ABCA2: variants seen among roughly 807,000 people sequenced by gnomAD.
The protein encoded by ABCA2 is ATP binding cassette subfamily A member 2.
A neutral mutation model predicts 262.8 loss-of-function variants in ABCA2; 84 were observed. The observed-to-expected ratio is 0.32, with a 90% CI of 0.27 to 0.38. The LOEUF is 0.38. Among genes scored for constraint, ABCA2 ranks in the 10% least tolerant of loss-of-function variants. The probability of loss-of-function intolerance (pLI) is 1.00; values close to 1 mark genes in which losing one functional copy is unlikely to be tolerated. For missense variants in ABCA2, 2,662 were observed against 3,405.9 expected (o/e 0.78, Z 5.44); for synonymous variants, 1,696 against 1,502.9 (o/e 1.13, Z -2.97).
intron 1 of ABCA2, 24 bp from the exon 2 acceptor site, chr9:137,024,260 G>A (rs1564232774): frequency 6.3e-7 from 1 of 1,587,038 alleles, no homozygotes; most frequent in Non-Finnish European, 8.6e-7. Flanking sequence ...GCCCAGTGAG[G>A]GATAGGACAG....
At chr9:137,008,189 C>T in intron 48 of ABCA2, 1 of 802,272 alleles carries the variant, frequency 1.2e-6, no homozygotes, top group Admixed American at 2.1e-5. Context: ...GTCCCCTCTG[C>T]CCCACCCTTG....
At chr9:137,024,271 A>T (rs769086874) in intron 1 of ABCA2, 35 bp from the exon 2 acceptor site, 12 of 1,552,274 alleles carry the variant, frequency 7.7e-6, no homozygotes, top group Non-Finnish European at 1.1e-5. Flanking sequence ...GATAGGACAG[A>T]CCTGTGCTCG....
Position 137,021,748 on chromosome 9 carries a change from G to A in ABCA2, c.679-138C>T, listed in dbSNP as rs956938199. 2 of 1,216,792 alleles carry A rather than the reference G, an allele frequency of 1.6e-6. No homozygotes were observed. The highest frequency in any genetic ancestry group is 2.3e-6 in the Non-Finnish European group (2 of 863,528). 75.4% of individuals were successfully genotyped at this position (1,216,792 alleles called of 1,614,324 possible). On this transcript the variant is annotated intron_variant, in intron 7 of 48. Coordinates refer to ENST00000341511, the MANE Select transcript of ABCA2 (RefSeq NM_001606.5). The surrounding 1 kb of genome is among the most constrained non-coding windows in gnomAD (Gnocchi z 6.0). ...CCCACGACATGCCTCTACCCCTCAT[G>A]CCTGCCATAGACCCCTGGGACCCTC...
At position 137,008,876 on chromosome 9, in the gene ABCA2, G is replaced by A. The variant is rs561668236; in HGVS notation, c.6931-8C>T. ...CTTTGTGTGGTGCCGCTCCTGCAGG[G>A]GGGGAGGTCAGAGGCCTGGCAGCGC... is the stretch of plus-strand genomic sequence containing the variant. On this transcript the variant is annotated splice_polypyrimidine_tract_variant and splice_region_variant and intron_variant, in intron 46 of 48. Coordinates refer to ENST00000341511, the MANE Select transcript of ABCA2 (RefSeq NM_001606.5). The A allele has an allele frequency of 1.2e-6, 2 of 1,603,826 alleles. No homozygotes were observed. Among genetic ancestry groups the A allele is most frequent in the South Asian group, 1.1e-5 (1 of 90,786 alleles).
Position 137,009,568 on chromosome 9 carries a change from C to G in ABCA2, c.6707G>C (p.Gly2236Ala), listed in dbSNP as rs1261863719. 1 of 1,612,918 alleles carries G rather than the reference C, an allele frequency of 6.2e-7. No individual in the cohort carries two copies. The highest frequency in any genetic ancestry group is 2.2e-5 in the East Asian group (1 of 44,878). Residue 2236 changes from glycine to alanine, a missense_variant, in exon 44 of 49, where the codon GGG becomes GCG. Gly to Ala is a moderately conservative substitution (Grantham distance 60). Transcript: ENST00000341511. ...WNLILDLIKT[G>A]RSVVLTSHSM... ...GTGTGATGTCAGCACCACTGAACGC[C>G]CTGTCTTGATGAGGTCAAGGATGAG...
In ABCA2 at chr9:137,011,814, CG is replaced by C; in HGVS notation, c.5535+29del. The C allele has an allele frequency of 3.9e-6, 6 of 1,556,938 alleles. No homozygotes were observed. The highest frequency in any genetic ancestry group is 5.2e-6 in the Non-Finnish European group (6 of 1,151,224). On this transcript the variant is annotated intron_variant, in intron 35 of 48. Transcript: ENST00000341511. This position sits in a 1 kb window ranked among gnomAD's most constrained non-coding sequence, Gnocchi z 8.8. ...GGCGGGGATGGGGGATGAGAAGGGCCGGGGCACCCCATGGCCACGCCGGGCG... is the reference window on the plus strand; with the variant it reads ...GGCGGGGATGGGGGATGAGAAGGGCCGGGCACCCCATGGCCACGCCGGGCG...
At position 137,022,746 on chromosome 9, in the gene ABCA2, C is replaced by G; in HGVS notation, c.395G>C (p.Ser132Thr). Residue 132 changes from serine to threonine, a missense_variant, in exon 5 of 49, where the codon AGT (serine) becomes ACT (threonine). Ser to Thr is a moderately conservative substitution (Grantham distance 58, BLOSUM62 1). This residue lies in a region of ABCA2 where 403 missense variants were observed against 375.9 expected (regional missense o/e 1.07). Transcript: ENST00000341511. ...EALRQHLEALSAGPGTSGSHL... is the reference protein window; with the variant it reads ...EALRQHLEALTAGPGTSGSHL... ...GCTCCCCGAGGTGCCCGGGCCCGCA[C>G]TGAGGGCCTCCAGATGCTGGCGTAG... 6.2e-7 allele frequency: 1 copy of G among 1,605,438 alleles called. No individual in the cohort carries two copies. Among genetic ancestry groups the G allele is most frequent in the Middle Eastern group, 1.8e-4 (1 of 5,624 alleles).
At chr9:137,022,316 G>A (rs1430102542) in intron 6 of ABCA2, 35 bp downstream of exon 6, 4 of 1,561,824 alleles carry the variant, frequency 2.6e-6, no homozygotes, top group Non-Finnish European at 3.5e-6. Context: ...GGGGCAGAAG[G>A]GAGTGGCCAG....
Position 137,010,661 on chromosome 9 carries a change from C to T in ABCA2, c.6133G>A (p.Asp2045Asn). Residue 2045 changes from aspartate (D) to asparagine (N), a missense_variant, in exon 40 of 49, where the codon GAC (aspartate) becomes AAC (asparagine). Transcript: ENST00000341511. Reference protein sequence around the residue: ...ASERQRVLRGDADNDMVKIEN... With the variant: ...ASERQRVLRGNADNDMVKIEN... The stretch of plus-strand genomic sequence containing the variant: ...ATCTTGACCATGTCATTGTCGGCGT[C>T]TCCCCGGAGCACTCGCTGCCGCTCA... 6.2e-7 allele frequency: 1 copy of T among 1,606,130 alleles called. No individual in the cohort carries two copies. The highest frequency in any genetic ancestry group is 8.5e-7 in the Non-Finnish European group (1 of 1,176,402).
In ABCA2 at chr9:137,016,126, G is replaced by T; in HGVS notation, c.3153C>A (p.Ile1051=). ...TCTCCGTGCGGATGTCGTGCCCGTAGATGGTGGCGGAACCCGACGTTGGAG... is the reference window on the plus strand; with the variant it reads ...TCTCCGTGCGGATGTCGTGCCCGTATATGGTGGCGGAACCCGACGTTGGAG... ...LFPPTSGSAT[I]YGHDIRTEMD... is the part of the protein sequence containing the mutation. The change falls in exon 22 of 49, where the codon ATC becomes ATA. Residue 1051 remains isoleucine (I), a synonymous_variant. Transcript: ENST00000341511. 6.2e-7 allele frequency: 1 copy of T among 1,612,874 alleles called. No individual in the cohort carries two copies. Among genetic ancestry groups the T allele is most frequent in the African/African-American group, 1.3e-5 (1 of 75,068 alleles).
At chr9:137,027,414 C>A (rs906563969) in intron 1 of ABCA2, 2 of 152,796 alleles carry the variant, frequency 1.3e-5, no homozygotes, top group African/African-American at 4.8e-5. Flanking sequence ...GTGGGGGGAC[C>A]AGGAGGCAAC....
Position 137,016,579 on chromosome 9 carries a change from C to A in ABCA2, c.2918G>T (p.Arg973Leu), listed in dbSNP as rs369865925. The A allele has an allele frequency of 6.2e-7, 1 of 1,612,210 alleles. No individual in the cohort carries two copies. The highest frequency in any genetic ancestry group is 1.7e-5 in the Admixed American group (1 of 60,014). ...EDQACAMESR[R>L]FEETRGMEEE... is the part of the protein sequence containing the mutation. ...CATTCTGATGCCAGCCTCACCAAAG[C>A]GCCGGCTCTCCATGGCACAGGCCTG... is the stretch of plus-strand genomic sequence containing the variant. Residue 973 changes from arginine to leucine, a missense_variant, in exon 20 of 49, where the codon CGC becomes CTC. Transcript: ENST00000341511.
chr9:137,014,869 C>A, intron 25 of ABCA2, 44 bp downstream of exon 25: 1 of 1,575,984 alleles, frequency 6.3e-7, no homozygotes, highest in East Asian at 2.3e-5. Flanking sequence ...AGTGCGCCCA[C>A]CTCCACCACC....
Position 137,009,090 on chromosome 9 carries a change from G to A in ABCA2, c.6828-37C>T, listed in dbSNP as rs377428674. ...GGCCGGTGGCCCGGAGCCCTGCGCC[G>A]CCCAGCCAGAGCCCCAGCCCCCCAG... On this transcript the variant is annotated intron_variant, in intron 45 of 48. Coordinates refer to ENST00000341511, the MANE Select transcript of ABCA2 (RefSeq NM_001606.5). 9.6e-4 allele frequency: 1,519 copies of A among 1,580,252 alleles called. 5 individuals are homozygous for A. Among genetic ancestry groups the A allele is most frequent in the Non-Finnish European group, 1.1e-3 (1,264 of 1,165,770 alleles).
chr9:137,011,229 C>T lies in ABCA2; in HGVS notation c.5880G>A (p.Glu1960=). The T allele has an allele frequency of 6.2e-7, 1 of 1,612,620 alleles. No homozygotes were observed. Among genetic ancestry groups the T allele is most frequent in the Non-Finnish European group, 8.5e-7 (1 of 1,179,896 alleles). The part of the protein sequence containing the change: ...PNYNLGHGLM[E]MAYNEYINEY... ...CGTTGATGTACTCGTTGTAGGCCATCTCCATGAGCCCGTGGCCCAGGTTGT... is the reference window on the plus strand; with the variant it reads ...CGTTGATGTACTCGTTGTAGGCCATTTCCATGAGCCCGTGGCCCAGGTTGT... Residue 1960 remains glutamate, a synonymous_variant, in exon 38 of 49, where the codon GAG becomes GAA. Transcript: ENST00000341511. The surrounding 1 kb of genome is among the most constrained non-coding windows in gnomAD (Gnocchi z 8.8).
At position 137,017,391 on chromosome 9, in the gene ABCA2, C is replaced by T. The variant is rs763326513; in HGVS notation, c.2403-45G>A. The T allele has an allele frequency of 7.5e-6, 12 of 1,608,276 alleles. No homozygotes were observed. In the Admixed American group the frequency reaches 8.4e-5, roughly 11 times the overall value. ...GCGCACCGTCATCCACCCGCACGCC[C>T]GGCCTCCTGGGCAGGCCCGTGCCAG... On this transcript the variant is annotated intron_variant, in intron 17 of 48. Transcript: ENST00000341511.
chr9:137,021,236 T>G lies in ABCA2; in HGVS notation c.897+156A>C, dbSNP rs1831443190. On this transcript the variant is annotated intron_variant, in intron 8 of 48. Coordinates refer to ENST00000341511, the MANE Select transcript of ABCA2 (RefSeq NM_001606.5). The surrounding 1 kb of genome is among the most constrained non-coding windows in gnomAD (Gnocchi z 6.0). ...CAGGAGCTGGGATGGTGAGCAGGAGTGGGGCACCAGCCATGGTGCCATTGG... is the reference window on the plus strand; with the variant it reads ...CAGGAGCTGGGATGGTGAGCAGGAGGGGGGCACCAGCCATGGTGCCATTGG... 6.6e-6 allele frequency among the ~76,000 whole-genome samples: 1 copy of G among 151,408 alleles called. No homozygotes were observed.
At position 137,013,262 on chromosome 9, in the gene ABCA2, G is replaced by A; in HGVS notation, c.4607C>T (p.Pro1536Leu). ...CACGCAGGTGGCACCCACCCCCGAC[G>A]GCAGCCGGAACGTGCTCACGAGCTG... The part of the protein sequence containing the change: ...PQQLVSTFRL[P>L]SGVGATCVLK... Residue 1536 changes from proline (P) to leucine (L), a missense_variant, in exon 30 of 49, where the codon CCG becomes CTG. This residue lies in a region of ABCA2 where 192 missense variants were observed against 207.2 expected (regional missense o/e 0.93). Coordinates refer to ENST00000341511, the MANE Select transcript of ABCA2 (RefSeq NM_001606.5). The A allele has an allele frequency of 6.3e-7, 1 of 1,592,696 alleles. No individual in the cohort carries two copies. Among genetic ancestry groups the A allele is most frequent in the Non-Finnish European group, 8.5e-7 (1 of 1,174,648 alleles).
upstream of ABCA2, chr9:137,028,573 C>A (rs2131483770): frequency 2.6e-6 from 2 of 766,110 alleles, no homozygotes; most frequent in Non-Finnish European, 3.4e-6. This position sits in a 1 kb window ranked among gnomAD's most constrained non-coding sequence, Gnocchi z 6.9. Flanking sequence ...CTGCGCCCAC[C>A]GCGCTGGCGA....
Sources: allele counts gnomAD v4.1 joint callset (sites outside exome capture counted in the v4.1 genomes callset), GRCh38; gene constraint gnomAD v4.1.1; regional missense constraint gnomAD v4.1.1; non-coding constraint Gnocchi (gnomAD v3.1); transcripts MANE v1.5; gene names NCBI Gene and HGNC (gene_info 2026-07-23, HGNC 2026-07-21).